BOC: variants seen among roughly 807,000 people sequenced by gnomAD.
BOC encodes BOC cell adhesion associated, oncogene regulated.
In BOC, 76 loss-of-function variants were observed where a neutral mutation model predicts 112.0. That is an observed-to-expected ratio of 0.68 (90% confidence interval 0.56 to 0.82). The LOEUF (loss-of-function observed/expected upper bound fraction) is 0.82. Among genes scored for constraint, BOC ranks in the 40% least tolerant of loss-of-function variants. The pLI is 0.00. For missense variants in BOC, 1,309 were observed against 1,511.7 expected (o/e 0.87, Z 2.22); for synonymous variants, 580 against 599.8 (o/e 0.97, Z 0.48).
At chr3:113,236,266 G>GTC (rs10634988) in intron 2 of BOC, among the ~76,000 whole-genome samples, 5,203 of 52,612 alleles carry the variant, frequency 0.099, 634 homozygotes, top group Middle Eastern at 0.22. Context: ...GTGTGTGTGT[G>GTC]TATATATACC....
chr3:113,285,639 G>A (rs1559895153), intron 19 of BOC, 74 bp downstream of exon 19: 2 of 1,371,210 alleles, frequency 1.5e-6, no homozygotes, highest in Non-Finnish European at 2.0e-6. Flanking sequence ...CAAGCCAGTA[G>A]TAACAGTCTT....
chr3:113,267,311 TCATA>T (rs1241985917), intron 4 of BOC, among the ~76,000 whole-genome samples: 2 of 152,244 alleles, frequency 1.3e-5, no homozygotes, highest in Non-Finnish European at 2.9e-5. Flanking sequence ...GTGATTTGTC[TCATA>T]CAAAGAGAGA....
At chr3:113,283,012 G>C (rs548352000) in intron 15 of BOC, among the ~76,000 whole-genome samples, 1 of 152,280 alleles carries the variant, frequency 6.6e-6, no homozygotes, top group East Asian at 1.9e-4. Context: ...TCCACCAGCA[G>C]GTAGCACGCT....
chr3:113,219,156 A>C (rs929383648), intron 2 of BOC, among the ~76,000 whole-genome samples: 4 of 152,364 alleles, frequency 2.6e-5, no homozygotes, highest in African/African-American at 9.6e-5. Context: ...GGTACCCTTC[A>C]TCGTGTGAGG....
intron 8 of BOC, 83 bp downstream of exon 8, chr3:113,273,424 G>A: frequency 7.0e-7 from 1 of 1,422,900 alleles, no homozygotes; most frequent in East Asian, 2.5e-5. Context: ...TGGAACCCCA[G>A]TATATAAGAT....
chr3:113,273,402 T>A, intron 8 of BOC, 61 bp downstream of exon 8: 4 of 1,495,708 alleles, frequency 2.7e-6, no homozygotes, highest in Non-Finnish European at 3.6e-6. Context: ...TTTTCTCAAA[T>A]GAAATCTAAC....
intron 2 of BOC, among the ~76,000 whole-genome samples, chr3:113,233,295 C>T (rs1248908114): frequency 1.3e-5 from 2 of 151,934 alleles, no homozygotes; most frequent in African/African-American, 2.4e-5. Flanking sequence ...GTCCGGGTCA[C>T]AGCACCTGAG....
rs1318421029 is a variant in BOC, at chr3:113,279,996, C to T, written c.2196C>T (p.Leu732=). Residue 732 remains leucine (L), a synonymous_variant, in exon 13 of 20, where the codon CTC becomes CTT. Transcript: ENST00000682979. ...TDAVNETTIM[L]KWMYIPASNN... The stretch of plus-strand genomic sequence containing the variant: ...CGGTCAATGAGACCACCATCATGCT[C>T]AAGTGGATGGTAAGCGGGCCTGGCC... 3.1e-6 allele frequency: 5 copies of T among 1,607,380 alleles called. No individual in the cohort carries two copies. The highest frequency in any genetic ancestry group is 4.3e-6 in the Non-Finnish European group (5 of 1,176,214).
chr3:113,252,579 C>T (rs1450114101), intron 4 of BOC, among the ~76,000 whole-genome samples: 3 of 152,164 alleles, frequency 2.0e-5, no homozygotes, highest in African/African-American at 7.2e-5. Context: ...CTCCAGTCCC[C>T]AGATCCCTGG....
Position 113,278,539 on chromosome 3 carries a change from C to T in BOC, c.1706-134C>T. 2 of 829,806 alleles carry T rather than the reference C, an allele frequency of 2.4e-6. No individual in the cohort carries two copies. The highest frequency in any genetic ancestry group is 3.9e-6 in the Non-Finnish European group (2 of 517,226). The allele number at this position is 829,806 out of a possible 1,614,324, so 51.4% of individuals were successfully genotyped here. A position where few individuals can be genotyped will look rare whatever the true frequency, so the allele number is the denominator to read the frequency against. ...AGTCTCGGCCGAGGCTGAGCCCACACCCTCAGTGCCCCGGATGCTTATTTG... is the reference window on the plus strand; with the variant it reads ...AGTCTCGGCCGAGGCTGAGCCCACATCCTCAGTGCCCCGGATGCTTATTTG... On this transcript the variant is annotated intron_variant, in intron 10 of 19. Coordinates refer to ENST00000682979, the MANE Select transcript of BOC (RefSeq NM_001378074.1). The surrounding 1 kb of genome is among the most constrained non-coding windows in gnomAD (Gnocchi z 4.2).
At position 113,273,246 on chromosome 3, in the gene BOC, G is replaced by A; in HGVS notation, c.1139G>A (p.Ser380Asn). 1 of 1,613,424 alleles carries A rather than the reference G, an allele frequency of 6.2e-7. No individual in the cohort carries two copies. Among genetic ancestry groups the A allele is most frequent in the Non-Finnish European group, 8.5e-7 (1 of 1,179,876 alleles). ...TCCCGCAGGGCCCTGCGCGTGCTCA[G>A]CATGGGGCCTGAGGACGAAGGCGTC... ...RLSRRALRVL[S>N]MGPEDEGVYQ... The change falls in exon 8 of 20, where the codon AGC (serine) becomes AAC (asparagine). Residue 380 changes from serine (S) to asparagine (N), a missense_variant. By Grantham distance (46) the Ser-to-Asn change is conservative. Transcript: ENST00000682979.
intron 5 of BOC, chr3:113,270,476 C>T (rs930957213): frequency 8.4e-5 from 21 of 250,602 alleles, no homozygotes; most frequent in African/African-American, 4.2e-4. Context: ...AATCCTGCTT[C>T]CTTTCTAGCC....
chr3:113,279,883 G>A lies in BOC; in HGVS notation c.2083G>A (p.Ala695Thr), dbSNP rs759707512. The change falls in exon 13 of 20, where the codon GCC becomes ACC. Residue 695 changes from alanine to threonine, a missense_variant. Transcript: ENST00000682979. The stretch of plus-strand genomic sequence containing the variant: ...CATGCTGGGGGAGAGCGAGCCCAGC[G>A]CCCCCTCTCGGCCCTACGTGGTGTC... ...LNMLGESEPS[A>T]PSRPYVVSGY... The A allele has an allele frequency of 6.8e-6, 11 of 1,613,446 alleles. No individual in the cohort carries two copies. Among genetic ancestry groups the A allele is most frequent in the Middle Eastern group, 1.6e-4 (1 of 6,084 alleles).
At chr3:113,218,625 T>C (rs760290090) in intron 2 of BOC, among the ~76,000 whole-genome samples, 1 of 152,246 alleles carries the variant, frequency 6.6e-6, no homozygotes, top group Non-Finnish European at 1.5e-5. Flanking sequence ...TGTTTTGTAG[T>C]GAACAAGTTA....
chr3:113,228,727 T>C (rs1353866385), intron 2 of BOC, among the ~76,000 whole-genome samples: 1 of 152,080 alleles, frequency 6.6e-6, no homozygotes, highest in African/African-American at 2.4e-5. Flanking sequence ...GGGTCAGGGC[T>C]GGGTGGGGTA....
intron 2 of BOC, among the ~76,000 whole-genome samples, chr3:113,247,011 C>T (rs1163389940): frequency 6.6e-6 from 1 of 152,156 alleles, no homozygotes; most frequent in Non-Finnish European, 1.5e-5. Context: ...GCTGAATTTC[C>T]TCAGTAAAAT....
intron 18 of BOC, 136 bp downstream of exon 18, chr3:113,284,994 C>T (rs146022564): frequency 1.8e-4 from 136 of 744,648 alleles, no homozygotes; most frequent in Non-Finnish European, 2.7e-4. Flanking sequence ...CAATCATGCT[C>T]CTCTGAACCA....
chr3:113,248,998 G>C (rs909627217), intron 2 of BOC, among the ~76,000 whole-genome samples: 1 of 152,262 alleles, frequency 6.6e-6, no homozygotes, highest in East Asian at 1.9e-4. Context: ...CGAAAACAAG[G>C]CTCTGTGCCC....
At chr3:113,273,779 G>A (rs1053360522) in intron 8 of BOC, among the ~76,000 whole-genome samples, 8 of 152,170 alleles carry the variant, frequency 5.3e-5, no homozygotes, top group African/African-American at 1.9e-4. Flanking sequence ...GAAAAATACA[G>A]CAATGAATAT....
Sources: allele counts gnomAD v4.1 joint callset (sites outside exome capture counted in the v4.1 genomes callset), GRCh38; gene constraint gnomAD v4.1.1; non-coding constraint Gnocchi (gnomAD v3.1); transcripts MANE v1.5; gene names NCBI Gene and HGNC (gene_info 2026-07-23, HGNC 2026-07-21).